The following FAM117B variants were observed in gnomAD, a reference collection of about 807,000 sequenced individuals.
The protein encoded by FAM117B is family with sequence similarity 117 member B.
A neutral mutation model predicts 52.8 loss-of-function variants in FAM117B; 22 were observed. The ratio of observed to expected loss-of-function variants is 0.42; its 90% CI spans 0.30 to 0.59. The LOEUF (loss-of-function observed/expected upper bound fraction) is 0.59, where lower values mean the gene tolerates loss of function less well. Among genes scored for constraint, FAM117B ranks in the 20% least tolerant of loss-of-function variants. FAM117B has a pLI of 0.22. For synonymous variants in FAM117B, 309 were observed against 324.1 expected (o/e 0.95, Z 0.50); for missense variants, 678 against 802.6 (o/e 0.84, Z 1.88).
intron 4 of FAM117B, among the ~76,000 whole-genome samples, chr2:202,731,450 G>C (rs1179115454): frequency 6.8e-6 from 1 of 146,096 alleles, no homozygotes; most frequent in Non-Finnish European, 1.5e-5. Flanking sequence ...ATTTATTTTG[G>C]GATGGAGTCT....
chr2:202,746,409 A>G (rs774703359), intron 4 of FAM117B, among the ~76,000 whole-genome samples: 3 of 152,138 alleles, frequency 2.0e-5, no homozygotes, highest in Admixed American at 6.5e-5. Context: ...TCTTGAAGCA[A>G]ATGAAAATGC....
At chr2:202,673,227 G>A (rs1401487885) in intron 1 of FAM117B, among the ~76,000 whole-genome samples, 6 of 152,018 alleles carry the variant, frequency 3.9e-5, no homozygotes, top group Non-Finnish European at 8.8e-5. Context: ...AGACTACAAC[G>A]GGAGTCCAGA....
chr2:202,692,675 A>G (rs936834679), intron 1 of FAM117B, among the ~76,000 whole-genome samples: 2 of 152,214 alleles, frequency 1.3e-5, no homozygotes, highest in African/African-American at 2.4e-5. Context: ...ATGCTGATTT[A>G]TATGAAATTT....
chr2:202,639,140 A>G (rs1689729270), intron 1 of FAM117B, among the ~76,000 whole-genome samples: 1 of 152,168 alleles, frequency 6.6e-6, no homozygotes, highest in Non-Finnish European at 1.5e-5. Context: ...TACCCCATAT[A>G]ATTCTATAAA....
intron 1 of FAM117B, among the ~76,000 whole-genome samples, chr2:202,646,661 T>C (rs932470130): frequency 3.9e-5 from 6 of 152,202 alleles, no homozygotes; most frequent in African/African-American, 1.4e-4. Context: ...TAATTTATGC[T>C]CTTTTGAGTA....
intron 1 of FAM117B, among the ~76,000 whole-genome samples, chr2:202,693,319 C>CT (rs2105775531): frequency 6.7e-6 from 1 of 148,700 alleles, no homozygotes; most frequent in South Asian, 2.1e-4. Context: ...AATAAATGTA[C>CT]TAACACTGGC....
At chr2:202,723,473 C>T (rs1165847813) in intron 2 of FAM117B, among the ~76,000 whole-genome samples, 1 of 152,172 alleles carries the variant, frequency 6.6e-6, no homozygotes, top group Non-Finnish European at 1.5e-5. Context: ...AATTTACACA[C>T]ACATGCATTC....
At chr2:202,713,979 TTACA>T (rs1690998013) in intron 2 of FAM117B, among the ~76,000 whole-genome samples, 1 of 152,246 alleles carries the variant, frequency 6.6e-6, no homozygotes, top group African/African-American at 2.4e-5. Context: ...AGTGCTAGGA[TTACA>T]GGTGTGAGCC....
chr2:202,644,521 G>A (rs192072032), intron 1 of FAM117B, among the ~76,000 whole-genome samples: 23 of 152,198 alleles, frequency 1.5e-4, no homozygotes, highest in Admixed American at 3.3e-4. Flanking sequence ...TATTAGAACC[G>A]GGAACTTCCC....
At chr2:202,742,447 AT>A (rs1691557759) in intron 4 of FAM117B, among the ~76,000 whole-genome samples, 1 of 152,218 alleles carries the variant, frequency 6.6e-6, no homozygotes, top group East Asian at 1.9e-4. Flanking sequence ...CTGGTCAGAG[AT>A]GAACTTTTGA....
chr2:202,652,788 TA>T (rs1346577297), intron 1 of FAM117B, among the ~76,000 whole-genome samples: 2 of 152,186 alleles, frequency 1.3e-5, no homozygotes, highest in Non-Finnish European at 2.9e-5. Flanking sequence ...TCAGGGATGT[TA>T]TATCTCAATT....
chr2:202,727,809 T>C (rs1241260959), intron 4 of FAM117B, among the ~76,000 whole-genome samples: 5 of 152,198 alleles, frequency 3.3e-5, no homozygotes, highest in South Asian at 2.1e-4. Context: ...TTTGGCCCTT[T>C]ACAGATAAGG....
rs114460727 is a variant in FAM117B at position 202,727,265 on chromosome 2, G to A, written c.960+902G>A. ...GAAGACTTAGTTCTGTGACTCTCAGGTTGTTTTATAATACTGGAGTTGGCA... is the reference window on the plus strand; with the variant it reads ...GAAGACTTAGTTCTGTGACTCTCAGATTGTTTTATAATACTGGAGTTGGCA... On this transcript the variant is annotated intron_variant, in intron 4 of 7. Coordinates refer to ENST00000392238, the MANE Select transcript of FAM117B (RefSeq NM_173511.4). Among the ~76,000 whole-genome samples the A allele has an allele frequency of 8.5e-3, 1,292 of 152,246 alleles. 24 individuals are homozygous for A. Among genetic ancestry groups the A allele is most frequent in the African/African-American group, 0.029 (1,221 of 41,560 alleles).
At chr2:202,681,524 A>G (rs997846044) in intron 1 of FAM117B, among the ~76,000 whole-genome samples, 1 of 152,230 alleles carries the variant, frequency 6.6e-6, no homozygotes, top group Non-Finnish European at 1.5e-5. Flanking sequence ...ACTTCAGAGT[A>G]AGGCATATTA....
chr2:202,635,313 G>A lies in FAM117B; in HGVS notation c.126G>A (p.Gln42=). The A allele has an allele frequency of 7.0e-7, 1 of 1,424,098 alleles. No homozygotes were observed. The allele number at this position is 1,424,098 out of a possible 1,614,324, so 88.2% of individuals were successfully genotyped here. Residue 42 remains glutamine (Q), a synonymous_variant, in exon 1 of 8, where the codon CAG becomes CAA. Transcript: ENST00000392238. ...LQPMRATVPF[Q]LKQQQQQQHG... is the part of the protein sequence containing the mutation. ...CCATGAGGGCGACGGTTCCGTTCCAGCTGAAGCAGCAGCAGCAGCAGCAAC... is the reference window on the plus strand; with the variant it reads ...CCATGAGGGCGACGGTTCCGTTCCAACTGAAGCAGCAGCAGCAGCAGCAAC...
intron 1 of FAM117B, among the ~76,000 whole-genome samples, chr2:202,639,921 CAA>C (rs1432446216): frequency 2.0e-5 from 3 of 151,940 alleles, no homozygotes; most frequent in African/African-American, 7.3e-5. Flanking sequence ...TGGTGTTTCT[CAA>C]AGTGTAGTCT....
intron 1 of FAM117B, among the ~76,000 whole-genome samples, chr2:202,647,357 C>G (rs1689887768): frequency 6.6e-6 from 1 of 152,108 alleles, no homozygotes; most frequent in Non-Finnish European, 1.5e-5. Flanking sequence ...GGTCTCTATT[C>G]TAGACCTGTA....
chr2:202,742,827 A>G (rs577590611), intron 4 of FAM117B, among the ~76,000 whole-genome samples: 18 of 152,340 alleles, frequency 1.2e-4, no homozygotes, highest in Admixed American at 3.9e-4. Flanking sequence ...CTACCAGTGC[A>G]TGCATGCACC....
rs190293900 is a variant in FAM117B, at chr2:202,768,416, G to A, written c.*2652G>A. 1 of 152,490 alleles carries A rather than the reference G, an allele frequency of 6.6e-6. No homozygotes were observed. The highest frequency in any genetic ancestry group is 2.1e-4 in the South Asian group (1 of 4,828). 9.4% of individuals were successfully genotyped at this position (152,490 alleles called of 1,614,324 possible). On this transcript the variant is annotated 3_prime_UTR_variant, in exon 8 of 8. Coordinates refer to ENST00000392238, the MANE Select transcript of FAM117B (RefSeq NM_173511.4). ...ATGTGAATTTGCAGGTAAATGAATT[G>A]TATGGCAACCAGACAGATCCCTGGG...
Sources: gnomAD v4.1 joint callset for allele counts (sites outside exome capture counted in the v4.1 genomes callset) on GRCh38, gnomAD v4.1.1 for gene constraint, MANE v1.5 for transcripts, NCBI Gene and HGNC (gene_info 2026-07-23, HGNC 2026-07-21) for gene names.